PLPPR1: variants seen among roughly 807,000 people sequenced by gnomAD.
PLPPR1 encodes the protein phospholipid phosphatase related 1.
Under a neutral mutation model 33.1 loss-of-function variants are expected in PLPPR1, and 10 were observed. The ratio of observed to expected loss-of-function variants is 0.30; its 90% CI spans 0.19 to 0.51. The LOEUF (loss-of-function observed/expected upper bound fraction) is 0.51, where lower values mean the gene tolerates loss of function less well. Ranked by LOEUF, PLPPR1 falls within the 20% of genes least tolerant of loss-of-function variation. The probability of loss-of-function intolerance (pLI) is 0.97; values close to 1 mark genes in which losing one functional copy is unlikely to be tolerated. For missense variants in PLPPR1, 304 were observed against 408.1 expected (o/e 0.74, Z 2.20); for synonymous variants, 151 against 151.0 (o/e 1.00, Z 0.00).
rs371399190 is a variant in PLPPR1 at position 101,317,431 on chromosome 9, C to T, written c.880C>T (p.Pro294Ser). ...TCCTTCCAAACCCAAGCCTGAGGATCCCCGTGGAGTACCCCTAATGGCTTT... is the reference window on the plus strand; with the variant it reads ...TCCTTCCAAACCCAAGCCTGAGGATTCCCGTGGAGTACCCCTAATGGCTTT... ...GSPSKPKPED[P>S]RGVPLMAFPR... The change falls in exon 7 of 8, where the codon CCC becomes TCC. Residue 294 changes from proline to serine, a missense_variant. Pro to Ser is a moderately conservative substitution (Grantham distance 74). Transcript: ENST00000374874. 3.1e-6 allele frequency: 5 copies of T among 1,613,804 alleles called. No individual in the cohort carries two copies. The highest frequency in any genetic ancestry group is 4.2e-6 in the Non-Finnish European group (5 of 1,179,826).
chr9:101,306,689 C>CTGAG (rs921831887), intron 4 of PLPPR1, among the ~76,000 whole-genome samples: 8 of 152,202 alleles, frequency 5.3e-5, no homozygotes, highest in African/African-American at 1.9e-4. Context: ...ATAGAACCAT[C>CTGAG]TGAGGGGTGT....
chr9:101,164,822 A>C (rs1825832796), intron 1 of PLPPR1, among the ~76,000 whole-genome samples: 1 of 152,174 alleles, frequency 6.6e-6, no homozygotes, highest in Non-Finnish European at 1.5e-5. Context: ...TAATTTTAGC[A>C]CAAGAACCAG....
intron 6 of PLPPR1, among the ~76,000 whole-genome samples, chr9:101,315,455 G>A (rs1322601933): frequency 6.6e-6 from 1 of 152,296 alleles, no homozygotes; most frequent in Middle Eastern, 3.4e-3. Flanking sequence ...CAATTTTGTA[G>A]GGTCTTTGTG....
intron 7 of PLPPR1, among the ~76,000 whole-genome samples, chr9:101,321,773 A>ATG (rs1829154658): frequency 6.7e-6 from 1 of 148,240 alleles, no homozygotes; most frequent in African/African-American, 2.4e-5. Flanking sequence ...ATAGATACAT[A>ATG]TATACACTAA....
chr9:101,078,110 GAAGAAGAAGAAGA>G lies in PLPPR1; in HGVS notation c.-46+49010_-46+49022del, dbSNP rs1830564282. ...AGGAGGAGAAGGAGAAGGAGAAGAA[GAAGAAGAAGAAGA>G]AGAAGAAGAAGAAGAAGAAGAAGAA... is the stretch of plus-strand genomic sequence containing the variant. On this transcript the variant is annotated intron_variant, in intron 1 of 7. Coordinates refer to ENST00000374874, the MANE Select transcript of PLPPR1 (RefSeq NM_207299.2). Among the ~76,000 whole-genome samples the G allele has an allele frequency of 1.5e-3, 17 of 11,632 alleles. 2 individuals are homozygous for G. The highest frequency in any genetic ancestry group is 4.9e-3 in the African/African-American group (14 of 2,876). The allele number at this position is 11,632 out of a possible 152,430, so 7.6% of individuals were successfully genotyped here. A position where few individuals can be genotyped will look rare whatever the true frequency, so the allele number is the denominator to read the frequency against.
intron 4 of PLPPR1, among the ~76,000 whole-genome samples, chr9:101,294,562 T>A (rs1348762176): frequency 6.6e-6 from 1 of 151,642 alleles, no homozygotes; most frequent in Non-Finnish European, 1.5e-5. Context: ...AATAAAATAC[T>A]GGCAAACCGA....
intron 1 of PLPPR1, among the ~76,000 whole-genome samples, chr9:101,117,716 C>T (rs1018845980): frequency 6.6e-6 from 1 of 151,036 alleles, no homozygotes; most frequent in Non-Finnish European, 1.5e-5. Context: ...AAACCTTAGG[C>T]AAATAGTTTA....
chr9:101,142,989 C>A (rs930853123), intron 1 of PLPPR1, among the ~76,000 whole-genome samples: 1 of 151,920 alleles, frequency 6.6e-6, no homozygotes, highest in Admixed American at 6.6e-5. Context: ...AACTAGAGAT[C>A]CAAGTTCAGT....
chr9:101,308,600 G>C (rs1410887913), intron 4 of PLPPR1, among the ~76,000 whole-genome samples: 2 of 151,706 alleles, frequency 1.3e-5, no homozygotes, highest in Non-Finnish European at 3.0e-5. Flanking sequence ...CTCATTTTCT[G>C]TTTCCAACAT....
chr9:101,245,012 GA>G (rs1564014483), intron 2 of PLPPR1, among the ~76,000 whole-genome samples: 1 of 152,022 alleles, frequency 6.6e-6, no homozygotes, highest in Non-Finnish European at 1.5e-5. Flanking sequence ...TTTACTAGCT[GA>G]AAGACTACAC....
chr9:101,203,757 A>AT (rs143008028), intron 2 of PLPPR1, among the ~76,000 whole-genome samples: 4 of 151,704 alleles, frequency 2.6e-5, no homozygotes, highest in African/African-American at 7.2e-5. Flanking sequence ...ATATATAGAC[A>AT]GATATATAAC....
intron 1 of PLPPR1, among the ~76,000 whole-genome samples, chr9:101,184,165 T>C (rs184506121): frequency 2.7e-4 from 41 of 151,870 alleles, no homozygotes; most frequent in African/African-American, 9.6e-4. Context: ...ATAACACATG[T>C]AGTATGGGTA....
At chr9:101,288,372 A>C (rs932428177) in intron 4 of PLPPR1, among the ~76,000 whole-genome samples, 1 of 152,146 alleles carries the variant, frequency 6.6e-6, no homozygotes, top group African/African-American at 2.4e-5. Flanking sequence ...TCATAAGCTA[A>C]TAGAGATCTG....
At chr9:101,182,731 A>G (rs1464306764) in intron 1 of PLPPR1, among the ~76,000 whole-genome samples, 1 of 151,840 alleles carries the variant, frequency 6.6e-6, no homozygotes, top group Non-Finnish European at 1.5e-5. Flanking sequence ...AGACTGGAAG[A>G]AAATATTGAA....
At chr9:101,239,060 AGTGTGTGTGTGT>A (rs60620773) in intron 2 of PLPPR1, among the ~76,000 whole-genome samples, 35 of 147,536 alleles carry the variant, frequency 2.4e-4, no homozygotes, top group Non-Finnish European at 3.6e-4. Flanking sequence ...AATTTCATTG[AGTGTGTGTGTGT>A]GTGTGTGTGT....
At chr9:101,226,109 T>TC (rs530928183) in intron 2 of PLPPR1, among the ~76,000 whole-genome samples, 2 of 152,162 alleles carry the variant, frequency 1.3e-5, no homozygotes, top group Non-Finnish European at 2.9e-5. Context: ...GAGCTTACCC[T>TC]CCTGACATGA....
At chr9:101,273,286 C>T (rs1403256932) in intron 3 of PLPPR1, among the ~76,000 whole-genome samples, 3 of 152,148 alleles carry the variant, frequency 2.0e-5, no homozygotes, top group African/African-American at 4.8e-5. Flanking sequence ...ACTGTTATGA[C>T]CTGAGAGAGT....
chr9:101,284,459 A>T (rs1471071505), intron 3 of PLPPR1, among the ~76,000 whole-genome samples: 1 of 152,208 alleles, frequency 6.6e-6, no homozygotes, highest in Non-Finnish European at 1.5e-5. Context: ...CAATACTGTG[A>T]CTATAATTAA....
At position 101,098,909 on chromosome 9, in the gene PLPPR1, T is replaced by C. The variant is rs141122112; in HGVS notation, c.-46+69807T>C. ...GAACAAGAGCTCACTAACTTCTCTT[T>C]TGTCTATAGATGAGCGTTTAAAGGC... On this transcript the variant is annotated intron_variant, in intron 1 of 7. Coordinates refer to ENST00000374874, the MANE Select transcript of PLPPR1 (RefSeq NM_207299.2). Among the ~76,000 whole-genome samples the C allele has an allele frequency of 2.3e-4, 35 of 152,200 alleles. No individual in the cohort carries two copies. The East Asian group carries it at 6.0e-3, about 26-fold the overall frequency.
Sources: allele counts gnomAD v4.1 joint callset (sites outside exome capture counted in the v4.1 genomes callset), GRCh38; gene constraint gnomAD v4.1.1; transcripts MANE v1.5; gene names NCBI Gene and HGNC (gene_info 2026-07-23, HGNC 2026-07-21).